NTM: variants seen among roughly 807,000 people sequenced by gnomAD.
The protein encoded by NTM is neurotrimin, also known as IgLON family member 2.
Under a neutral mutation model 42.1 loss-of-function variants are expected in NTM, and 13 were observed. The observed-to-expected ratio is 0.31, with a 90% CI of 0.20 to 0.49. The LOEUF is 0.49. NTM is among the 20% of genes least tolerant of loss of function. The pLI is 0.99. For missense variants in NTM, 373 were observed against 452.8 expected (o/e 0.82, Z 1.60); for synonymous variants, 187 against 179.2 (o/e 1.04, Z -0.35).
At chr11:132,196,830 T>C (rs2080301003) in intron 3 of NTM, among the ~76,000 whole-genome samples, 1 of 152,134 alleles carries the variant, frequency 6.6e-6, no homozygotes, top group Admixed American at 6.5e-5. Flanking sequence ...GTTGCTATGG[T>C]CACTACCTGG....
intron 6 of NTM, 83 bp downstream of exon 6, chr11:132,310,315 A>G (rs767998288): frequency 7.2e-7 from 1 of 1,385,386 alleles, no homozygotes; most frequent in Non-Finnish European, 9.6e-7. Context: ...ACATTGTTGC[A>G]AACGAGTTCT....
Position 132,213,757 on chromosome 11 carries a change from C to T in NTM, c.526+1610C>T, listed in dbSNP as rs1167784929. 7.6e-5 allele frequency among the ~76,000 whole-genome samples: 3 copies of T among 39,512 alleles called. 1 individual carries two copies. The highest frequency in any genetic ancestry group is 2.5e-4 in the African/African-American group (3 of 12,164). 25.9% of individuals were successfully genotyped at this position (39,512 alleles called of 152,430 possible). A position where few individuals can be genotyped will look rare whatever the true frequency, so the allele number is the denominator to read the frequency against. On this transcript the variant is annotated intron_variant, in intron 4 of 8. Coordinates refer to ENST00000683400, the MANE Select transcript of NTM (RefSeq NM_001352005.2). ...TTTTTTTTTTTTTTTTTTTTTGAGA[C>T]GGAGTCTCGCTCTGTCGCCCAGGCT...
At chr11:132,054,739 A>G (rs1189416779) in intron 2 of NTM, among the ~76,000 whole-genome samples, 7 of 152,244 alleles carry the variant, frequency 4.6e-5, no homozygotes, top group African/African-American at 1.7e-4. Context: ...ATTTATAAGC[A>G]TTATCAATCT....
intron 2 of NTM, among the ~76,000 whole-genome samples, chr11:132,015,398 T>C (rs1452523891): frequency 6.6e-6 from 1 of 151,958 alleles, no homozygotes; most frequent in African/African-American, 2.4e-5. Flanking sequence ...TCCATACAAA[T>C]TTTAGGATTT....
intron 1 of NTM, among the ~76,000 whole-genome samples, chr11:131,694,903 G>A (rs916032641): frequency 6.6e-6 from 1 of 152,142 alleles, no homozygotes; most frequent in African/African-American, 2.4e-5. Context: ...CCTGCCCTTG[G>A]GACTCGCTCA....
intron 2 of NTM, among the ~76,000 whole-genome samples, chr11:131,952,569 A>G (rs1041156048): frequency 1.3e-5 from 2 of 152,182 alleles, no homozygotes; most frequent in African/African-American, 4.8e-5. Context: ...ATGTAGTCAA[A>G]TAGGTCTCTG....
At chr11:132,187,659 T>A (rs2138185706) in intron 3 of NTM, among the ~76,000 whole-genome samples, 1 of 151,866 alleles carries the variant, frequency 6.6e-6, no homozygotes, top group East Asian at 1.9e-4. Flanking sequence ...ACAGGTGGAG[T>A]ACAAAAGAAG....
chr11:132,071,483 G>A (rs2057663456), intron 2 of NTM, among the ~76,000 whole-genome samples: 2 of 152,252 alleles, frequency 1.3e-5, no homozygotes, highest in Non-Finnish European at 2.9e-5. Context: ...TAAAATGAAA[G>A]ACTGTGATAG....
Position 131,947,156 on chromosome 11 carries a change from T to C in NTM, c.167+35508T>C, listed in dbSNP as rs139250322. 3.6e-3 allele frequency among the ~76,000 whole-genome samples: 549 copies of C among 152,276 alleles called. 2 individuals carry two copies. The highest frequency in any genetic ancestry group is 0.013 in the African/African-American group (531 of 41,544). On this transcript the variant is annotated intron_variant, in intron 2 of 8. Transcript: ENST00000683400. ...AATGTCTAATTTATATATATTTAAT[T>C]ATGAAGTTTAGCATCTTTTCATATA... is the stretch of plus-strand genomic sequence containing the variant.
intron 1 of NTM, among the ~76,000 whole-genome samples, chr11:131,751,687 G>GAGGC (rs1165621868): frequency 1.3e-5 from 2 of 152,114 alleles, no homozygotes; most frequent in Non-Finnish European, 2.9e-5. Context: ...TTGAACCCGG[G>GAGGC]AGGCAGAGGT....
chr11:131,495,262 T>A (rs1037696747), intron 1 of NTM, among the ~76,000 whole-genome samples: 2 of 152,202 alleles, frequency 1.3e-5, no homozygotes, highest in Admixed American at 6.5e-5. Flanking sequence ...CAAAGAATCC[T>A]GCTGTCGGTA....
At chr11:131,883,553 A>T (rs1260325599) in intron 1 of NTM, among the ~76,000 whole-genome samples, 2 of 152,198 alleles carry the variant, frequency 1.3e-5, no homozygotes, top group African/African-American at 4.8e-5. Context: ...AAATGAAGAA[A>T]CTGAAGTCTA....
chr11:132,058,565 A>G lies in NTM; in HGVS notation c.168-87717A>G, dbSNP rs535080319. ...CCCCCTCTTGACATGGGCACTTGCCATGGTTGGTTCTCTCTGCTTGCTATC... is the reference window on the plus strand; with the variant it reads ...CCCCCTCTTGACATGGGCACTTGCCGTGGTTGGTTCTCTCTGCTTGCTATC... On this transcript the variant is annotated intron_variant, in intron 2 of 8. Coordinates refer to ENST00000683400, the MANE Select transcript of NTM (RefSeq NM_001352005.2). 5.9e-5 allele frequency among the ~76,000 whole-genome samples: 9 copies of G among 152,232 alleles called. No homozygotes were observed. The East Asian group carries it at 1.6e-3, about 26-fold the overall frequency.
At chr11:131,377,368 C>T (rs1010701377) in intron 1 of NTM, among the ~76,000 whole-genome samples, 26 of 152,284 alleles carry the variant, frequency 1.7e-4, no homozygotes, top group Middle Eastern at 6.8e-3. Flanking sequence ...TCTCTGGCCT[C>T]TCCACTTCCT....
At chr11:132,331,568 C>T (rs1038552858) in intron 8 of NTM, among the ~76,000 whole-genome samples, 4 of 152,142 alleles carry the variant, frequency 2.6e-5, no homozygotes, top group East Asian at 1.9e-4. Flanking sequence ...GGCAATGCCC[C>T]CTCCTTCTTT....
At chr11:132,070,419 C>T (rs1323875995) in intron 2 of NTM, among the ~76,000 whole-genome samples, 1 of 139,726 alleles carries the variant, frequency 7.2e-6, no homozygotes, top group South Asian at 2.6e-4. Flanking sequence ...GTCAAACTGA[C>T]CGTCACAGGT....
intron 2 of NTM, among the ~76,000 whole-genome samples, chr11:132,123,240 C>G (rs1274351238): frequency 1.3e-5 from 2 of 152,166 alleles, no homozygotes; most frequent in Non-Finnish European, 2.9e-5. Context: ...GTAAAATGCA[C>G]TGTCCATGGC....
At position 132,151,819 on chromosome 11, in the gene NTM, G is replaced by A. The variant is rs200432421; in HGVS notation, c.400+5305G>A. Reference sequence around the variant, plus strand: ...GAAGCCAGGACATTCTGTTCACTTCGTGTGTTAAAGTAATTCCAGAGAGAA... The same window carrying A: ...GAAGCCAGGACATTCTGTTCACTTCATGTGTTAAAGTAATTCCAGAGAGAA... On this transcript the variant is annotated intron_variant, in intron 3 of 8. Coordinates refer to ENST00000683400, the MANE Select transcript of NTM (RefSeq NM_001352005.2). 2.0e-4 allele frequency among the ~76,000 whole-genome samples: 31 copies of A among 152,266 alleles called. No homozygotes were observed. In the South Asian group the frequency reaches 5.2e-3, roughly 25 times the overall value.
At chr11:131,852,550 G>T (rs762580323) in intron 1 of NTM, among the ~76,000 whole-genome samples, 2 of 152,162 alleles carry the variant, frequency 1.3e-5, no homozygotes, top group Non-Finnish European at 2.9e-5. Flanking sequence ...TCCTGCCACT[G>T]CTCTGGCAGC....
Sources: gnomAD v4.1 joint callset for allele counts (sites outside exome capture counted in the v4.1 genomes callset) on GRCh38, gnomAD v4.1.1 for gene constraint, MANE v1.5 for transcripts, NCBI Gene and HGNC (gene_info 2026-07-23, HGNC 2026-07-21) for gene names.